Variants in MRPL41 observed in about 807,000 individuals in gnomAD.
MRPL41 encodes mitochondrial ribosomal protein L41, also known as large ribosomal subunit protein mL41.
MRPL41 carries 2 observed loss-of-function variants against 3.3 expected under a neutral mutation model. The observed-to-expected ratio is 0.60, with a 90% CI of 0.25 to 1.90. The LOEUF is 1.90. Among genes scored for constraint, MRPL41 ranks in the 40% most tolerant of loss-of-function variants. MRPL41 has a pLI of 0.16. For synonymous variants in MRPL41, 93 were observed against 85.7 expected, an observed-to-expected ratio of 1.08 and a Z score of -0.47; for missense variants, 161 against 192.2, an observed-to-expected ratio of 0.84 and a Z score of 0.96.
chr9:137,552,345 C>T lies in MRPL41; in HGVS notation c.264C>T (p.Ala88=). 2 of 1,611,482 alleles carry T rather than the reference C, an allele frequency of 1.2e-6. No homozygotes were observed. The highest frequency in any genetic ancestry group is 1.7e-5 in the Admixed American group (1 of 59,894). The change falls in exon 2 of 2, where the codon GCC becomes GCT. Residue 88 remains alanine, a synonymous_variant. Transcript: ENST00000371443. The part of the protein sequence containing the change: ...APESEETPLT[A]AQLFSEAVAP... ...AGAGCGAGGAGACGCCCCTGACGGC[C>T]GCGCAGCTCTTCAGCGAAGCCGTGG...
Position 137,552,305 on chromosome 9 carries a change from G to C in MRPL41, c.224G>C (p.Ser75Thr), listed in dbSNP as rs1341358693. The C allele has an allele frequency of 6.2e-7, 1 of 1,607,660 alleles. No homozygotes were observed. The highest frequency in any genetic ancestry group is 1.3e-5 in the African/African-American group (1 of 74,590). ...LTGFKLKPYV[S>T]YLAPESEETP... ...GGCTTCAAGCTCAAGCCCTACGTGAGCTACCTCGCCCCTGAGAGCGAGGAG... is the reference window on the plus strand; with the variant it reads ...GGCTTCAAGCTCAAGCCCTACGTGACCTACCTCGCCCCTGAGAGCGAGGAG... Residue 75 changes from serine (S) to threonine (T), a missense_variant, in exon 2 of 2, where the codon AGC (serine) becomes ACC (threonine). Physicochemically the swap from Ser to Thr is moderately conservative, Grantham distance 58. Coordinates refer to ENST00000371443, the MANE Select transcript of MRPL41 (RefSeq NM_032477.3).
At position 137,552,330 on chromosome 9, in the gene MRPL41, G is replaced by A; in HGVS notation, c.249G>A (p.Glu83=). The part of the protein sequence containing the change: ...YVSYLAPESE[E]TPLTAAQLFS... The stretch of plus-strand genomic sequence containing the variant: ...GCTACCTCGCCCCTGAGAGCGAGGA[G>A]ACGCCCCTGACGGCCGCGCAGCTCT... The change falls in exon 2 of 2, where the codon GAG becomes GAA. Residue 83 remains glutamate, a synonymous_variant. Transcript: ENST00000371443. 1 of 1,610,676 alleles carries A rather than the reference G, an allele frequency of 6.2e-7. No homozygotes were observed.
rs1258627546 is a variant in MRPL41, at chr9:137,552,381, C to G, written c.300C>G (p.Ile100Met). ...QLFSEAVAPA[I>M]EKDFKDGTFD... ...TCAGCGAAGCCGTGGCGCCTGCCAT[C>G]GAAAAGGACTTCAAGGACGGTACCT... The change falls in exon 2 of 2, where the codon ATC becomes ATG. Residue 100 changes from isoleucine (I) to methionine (M), a missense_variant. By Grantham distance (10) the Ile-to-Met change is conservative (BLOSUM62 1). Coordinates refer to ENST00000371443, the MANE Select transcript of MRPL41 (RefSeq NM_032477.3). 6.2e-7 allele frequency: 1 copy of G among 1,611,142 alleles called. No individual in the cohort carries two copies. The highest frequency in any genetic ancestry group is 1.7e-5 in the Admixed American group (1 of 59,818).
chr9:137,551,943 G>A lies in MRPL41; in HGVS notation c.-44G>A, dbSNP rs1588742684. Reference sequence around the variant, plus strand: ...CGAGGCCGGGTTGGCGCCGGAGCCGGGGCCGCTTGGAGCTCGTGTGGGGTC... The same window carrying A: ...CGAGGCCGGGTTGGCGCCGGAGCCGAGGCCGCTTGGAGCTCGTGTGGGGTC... On this transcript the variant is annotated 5_prime_UTR_variant, in exon 1 of 2. Coordinates refer to ENST00000371443, the MANE Select transcript of MRPL41 (RefSeq NM_032477.3). 1 of 656,068 alleles carries A rather than the reference G, an allele frequency of 1.5e-6. No homozygotes were observed. 40.6% of individuals were successfully genotyped at this position (656,068 alleles called of 1,614,324 possible). A position where few individuals can be genotyped will look rare whatever the true frequency, so the allele number is the denominator to read the frequency against.
In MRPL41 at chr9:137,552,066, T is replaced by A; in HGVS notation, c.-8-8T>A. ...GGGGCCGCGACTACCCGCTCTCTCCTCCCGCAGGGCGCGGCATGGGCGTCC... is the reference window on the plus strand; with the variant it reads ...GGGGCCGCGACTACCCGCTCTCTCCACCCGCAGGGCGCGGCATGGGCGTCC... On this transcript the variant is annotated splice_region_variant and splice_polypyrimidine_tract_variant and intron_variant, in intron 1 of 1. Transcript: ENST00000371443. The A allele has an allele frequency of 7.6e-7, 1 of 1,323,798 alleles. No homozygotes were observed. Among genetic ancestry groups the A allele is most frequent in the Non-Finnish European group, 9.6e-7 (1 of 1,037,054 alleles). 82.0% of individuals were successfully genotyped at this position (1,323,798 alleles called of 1,614,324 possible). A position where few individuals can be genotyped will look rare whatever the true frequency, so the allele number is the denominator to read the frequency against.
In MRPL41 at chr9:137,552,412, C is replaced by G; in HGVS notation, c.331C>G (p.Pro111Ala). Reference protein sequence around the residue: ...EKDFKDGTFDPDNLEKYGFEP... With the variant: ...EKDFKDGTFDADNLEKYGFEP... Reference sequence around the variant, plus strand: ...GGACTTCAAGGACGGTACCTTCGACCCTGACAACCTGGAAAAGTACGGCTT... The same window carrying G: ...GGACTTCAAGGACGGTACCTTCGACGCTGACAACCTGGAAAAGTACGGCTT... Residue 111 changes from proline to alanine, a missense_variant, in exon 2 of 2, where the codon CCT becomes GCT. Coordinates refer to ENST00000371443, the MANE Select transcript of MRPL41 (RefSeq NM_032477.3). 6.2e-7 allele frequency: 1 copy of G among 1,608,124 alleles called. No homozygotes were observed. Among genetic ancestry groups the G allele is most frequent in the Non-Finnish European group, 8.5e-7 (1 of 1,177,398 alleles).
At position 137,552,216 on chromosome 9, in the gene MRPL41, C is replaced by T. The variant is rs1403321010; in HGVS notation, c.135C>T (p.Thr45=). Residue 45 remains threonine, a synonymous_variant, in exon 2 of 2, where the codon ACC becomes ACT. Transcript: ENST00000371443. The part of the protein sequence containing the change: ...GRGAKGIGFL[T]SGWRFVQIKE... ...GCGCCAAGGGCATCGGCTTCCTCAC[C>T]TCGGGCTGGAGGTTCGTGCAGATCA... 1 of 1,567,724 alleles carries T rather than the reference C, an allele frequency of 6.4e-7. No homozygotes were observed. The highest frequency in any genetic ancestry group is 2.4e-5 in the East Asian group (1 of 42,116).
In MRPL41 at chr9:137,552,546, T is replaced by C; in HGVS notation, c.*51T>C. ...CTCATCTCATTTCTATTAAACGCCTTTGCCAGCTATACGGTGTTTGTTTTT... is the reference window on the plus strand; with the variant it reads ...CTCATCTCATTTCTATTAAACGCCTCTGCCAGCTATACGGTGTTTGTTTTT... On this transcript the variant is annotated 3_prime_UTR_variant, in exon 2 of 2. Transcript: ENST00000371443. The C allele has an allele frequency of 1.4e-6, 2 of 1,473,994 alleles. No homozygotes were observed. Among genetic ancestry groups the C allele is most frequent in the South Asian group, 1.4e-5 (1 of 71,732 alleles). 91.3% of individuals were successfully genotyped at this position (1,473,994 alleles called of 1,614,324 possible). A position where few individuals can be genotyped will look rare whatever the true frequency, so the allele number is the denominator to read the frequency against.
rs1001177799 is a variant in MRPL41 at position 137,552,474 on chromosome 9, C to T, written c.393C>T (p.Tyr131=). Residue 131 remains tyrosine, a synonymous_variant, in exon 2 of 2, where the codon TAC becomes TAT. Transcript: ENST00000371443. ...AGGAGGGAAAGCTCTTCCAGCTCTA[C>T]CCCAGGAACTTCCTGCGCTAGCTGG... ...PTQEGKLFQL[Y]PRNFLR is the part of the protein sequence containing the mutation. 1.9e-6 allele frequency: 3 copies of T among 1,565,138 alleles called. No homozygotes were observed. The highest frequency in any genetic ancestry group is 1.4e-5 in the African/African-American group (1 of 72,552).
chr9:137,552,211 C>A lies in MRPL41; in HGVS notation c.130C>A (p.Leu44Ile). The change falls in exon 2 of 2, where the codon CTC becomes ATC. Residue 44 changes from leucine to isoleucine, a missense_variant. Physicochemically the swap from Leu to Ile is conservative, Grantham distance 5 (BLOSUM62 2). Coordinates refer to ENST00000371443, the MANE Select transcript of MRPL41 (RefSeq NM_032477.3). ...KGRGAKGIGF[L>I]TSGWRFVQIK... ...CCGGGGCGCCAAGGGCATCGGCTTC[C>A]TCACCTCGGGCTGGAGGTTCGTGCA... 6.4e-7 allele frequency: 1 copy of A among 1,566,724 alleles called. No homozygotes were observed.
chr9:137,552,288 G>A lies in MRPL41; in HGVS notation c.207G>A (p.Lys69=). 6.2e-7 allele frequency: 1 copy of A among 1,600,214 alleles called. No homozygotes were observed. Among genetic ancestry groups the A allele is most frequent in the Non-Finnish European group, 8.5e-7 (1 of 1,172,810 alleles). The change falls in exon 2 of 2, where the codon AAG becomes AAA. Residue 69 remains lysine, a synonymous_variant. Coordinates refer to ENST00000371443, the MANE Select transcript of MRPL41 (RefSeq NM_032477.3). The stretch of plus-strand genomic sequence containing the variant: ...TCGTCCCGGATCTGACCGGCTTCAA[G>A]CTCAAGCCCTACGTGAGCTACCTCG... ...EFVVPDLTGF[K]LKPYVSYLAP...
Position 137,552,443 on chromosome 9 carries a change from C to T in MRPL41, c.362C>T (p.Pro121Leu), listed in dbSNP as rs199842194. 328 of 1,598,116 alleles carry T rather than the reference C, an allele frequency of 2.1e-4. No homozygotes were observed. The highest frequency in any genetic ancestry group is 1.7e-3 in the Middle Eastern group (10 of 6,040). ...AACCTGGAAAAGTACGGCTTCGAGC[C>T]CACACAGGAGGGAAAGCTCTTCCAG... ...PDNLEKYGFE[P>L]TQEGKLFQLY... The change falls in exon 2 of 2, where the codon CCC becomes CTC. Residue 121 changes from proline (P) to leucine (L), a missense_variant. Transcript: ENST00000371443.
chr9:137,551,968 C>G lies in MRPL41; in HGVS notation c.-19C>G, dbSNP rs955355140. 1.8e-5 allele frequency: 16 copies of G among 883,546 alleles called. No homozygotes were observed. The highest frequency in any genetic ancestry group is 2.1e-5 in the Non-Finnish European group (14 of 672,836). 54.7% of individuals were successfully genotyped at this position (883,546 alleles called of 1,614,324 possible). On this transcript the variant is annotated 5_prime_UTR_variant, in exon 1 of 2. Transcript: ENST00000371443. The stretch of plus-strand genomic sequence containing the variant: ...GGGCCGCTTGGAGCTCGTGTGGGGT[C>G]TCCGGTCCAGGTGAGTCTGTCGGAT...
Position 137,552,479 on chromosome 9 carries a change from G to A in MRPL41, c.398G>A (p.Arg133Lys). The change falls in exon 2 of 2, where the codon AGG becomes AAG. Residue 133 changes from arginine to lysine, a missense_variant. Coordinates refer to ENST00000371443, the MANE Select transcript of MRPL41 (RefSeq NM_032477.3). ...QEGKLFQLYPRNFLR is the reference protein window; with the variant it reads ...QEGKLFQLYPKNFLR Reference sequence around the variant, plus strand: ...GGAAAGCTCTTCCAGCTCTACCCCAGGAACTTCCTGCGCTAGCTGGGCGGG... The same window carrying A: ...GGAAAGCTCTTCCAGCTCTACCCCAAGAACTTCCTGCGCTAGCTGGGCGGG... 1 of 1,562,564 alleles carries A rather than the reference G, an allele frequency of 6.4e-7. No homozygotes were observed. The highest frequency in any genetic ancestry group is 8.7e-7 in the Non-Finnish European group (1 of 1,152,090).
In MRPL41 at chr9:137,552,194, C is replaced by T; in HGVS notation, c.113C>T (p.Ala38Val). 1 of 1,559,664 alleles carries T rather than the reference C, an allele frequency of 6.4e-7. No individual in the cohort carries two copies. The highest frequency in any genetic ancestry group is 8.7e-7 in the Non-Finnish European group (1 of 1,154,894). Reference protein sequence around the residue: ...RSFRGRKGRGAKGIGFLTSGW... With the variant: ...RSFRGRKGRGVKGIGFLTSGW... ...TTCAGGGGCCGCAAGGGCCGGGGCGCCAAGGGCATCGGCTTCCTCACCTCG... is the reference window on the plus strand; with the variant it reads ...TTCAGGGGCCGCAAGGGCCGGGGCGTCAAGGGCATCGGCTTCCTCACCTCG... The change falls in exon 2 of 2, where the codon GCC (alanine) becomes GTC (valine). Residue 38 changes from alanine (A) to valine (V), a missense_variant. By Grantham distance (64) the Ala-to-Val change is moderately conservative. Coordinates refer to ENST00000371443, the MANE Select transcript of MRPL41 (RefSeq NM_032477.3).
chr9:137,552,418 A>G lies in MRPL41; in HGVS notation c.337A>G (p.Asn113Asp). ...DFKDGTFDPD[N>D]LEKYGFEPTQ... Reference sequence around the variant, plus strand: ...CAAGGACGGTACCTTCGACCCTGACAACCTGGAAAAGTACGGCTTCGAGCC... The same window carrying G: ...CAAGGACGGTACCTTCGACCCTGACGACCTGGAAAAGTACGGCTTCGAGCC... Residue 113 changes from asparagine (N) to aspartate (D), a missense_variant, in exon 2 of 2, where the codon AAC becomes GAC. Asn to Asp is a conservative substitution (Grantham distance 23, BLOSUM62 1). Coordinates refer to ENST00000371443, the MANE Select transcript of MRPL41 (RefSeq NM_032477.3). 6.2e-7 allele frequency: 1 copy of G among 1,607,388 alleles called. No individual in the cohort carries two copies. Among genetic ancestry groups the G allele is most frequent in the Non-Finnish European group, 8.5e-7 (1 of 1,177,044 alleles).
At chr9:137,552,045 C>T in intron 1 of MRPL41, 29 bp from the exon 2 acceptor site, 2 of 1,269,370 alleles carry the variant, frequency 1.6e-6, no homozygotes, top group Non-Finnish European at 2.0e-6. Flanking sequence ...GTTCCCGGGG[C>T]CGCGACTACC....
In MRPL41 at chr9:137,552,175, G is replaced by T. The variant is rs373518805; in HGVS notation, c.94G>T (p.Gly32Cys). Residue 32 changes from glycine to cysteine, a missense_variant, in exon 2 of 2, where the codon GGC becomes TGC. By Grantham distance (159) the Gly-to-Cys change is radical. Transcript: ENST00000371443. ...TSKRGPRSFR[G>C]RKGRGAKGIG... ...CAAGCGGGGCCCGCGCAGCTTCAGG[G>T]GCCGCAAGGGCCGGGGCGCCAAGGG... 10 of 1,540,968 alleles carry T rather than the reference G, an allele frequency of 6.5e-6. No individual in the cohort carries two copies. The highest frequency in any genetic ancestry group is 8.7e-6 in the Non-Finnish European group (10 of 1,146,286).
At position 137,552,270 on chromosome 9, in the gene MRPL41, G is replaced by A. The variant is rs1163532569; in HGVS notation, c.189G>A (p.Pro63=). The A allele has an allele frequency of 6.3e-7, 1 of 1,587,140 alleles. No individual in the cohort carries two copies. ...IKEMVPEFVV[P]DLTGFKLKPY... Reference sequence around the variant, plus strand: ...AGATGGTCCCGGAGTTCGTCGTCCCGGATCTGACCGGCTTCAAGCTCAAGC... The same window carrying A: ...AGATGGTCCCGGAGTTCGTCGTCCCAGATCTGACCGGCTTCAAGCTCAAGC... Residue 63 remains proline (P), a synonymous_variant, in exon 2 of 2, where the codon CCG becomes CCA. Coordinates refer to ENST00000371443, the MANE Select transcript of MRPL41 (RefSeq NM_032477.3).
Sources: gnomAD v4.1 joint callset for allele counts on GRCh38, gnomAD v4.1.1 for gene constraint, MANE v1.5 for transcripts, NCBI Gene and HGNC (gene_info 2026-07-23, HGNC 2026-07-21) for gene names.